Variants in TYK2 observed in about 807,000 individuals in gnomAD.
TYK2 encodes non-receptor tyrosine-protein kinase TYK2.
Under a neutral mutation model 130.9 loss-of-function variants are expected in TYK2, and 65 were observed. That is an observed-to-expected ratio of 0.50 (90% CI 0.41 to 0.61). The LOEUF (loss-of-function observed/expected upper bound fraction) is 0.61. Among genes scored for constraint, TYK2 ranks in the 20% least tolerant of loss-of-function variants. The pLI is 0.00. For missense variants in TYK2, 1,378 were observed against 1,610.7 expected (o/e 0.86, Z 2.47); for synonymous variants, 647 against 658.9 (o/e 0.98, Z 0.28).
intron 3 of TYK2, among the ~76,000 whole-genome samples, chr19:10,377,391 G>GAT (rs1335511855): frequency 1.7e-5 from 2 of 117,696 alleles, no homozygotes; most frequent in African/African-American, 7.4e-5. Flanking sequence ...TGAATAGGTG[G>GAT]GTGGGTGGGT....
chr19:10,361,729 C>A lies in TYK2; in HGVS notation c.1959+41G>T. 1 of 1,606,170 alleles carries A rather than the reference C, an allele frequency of 6.2e-7. No homozygotes were observed. The highest frequency in any genetic ancestry group is 1.3e-5 in the African/African-American group (1 of 74,800). ...CCCATCCCACCTCCTCCGGCCACCTCCTCCACAGACACACCCCCAGGCCTG... is the reference window on the plus strand; with the variant it reads ...CCCATCCCACCTCCTCCGGCCACCTACTCCACAGACACACCCCCAGGCCTG... On this transcript the variant is annotated intron_variant, in intron 13 of 24. Coordinates refer to ENST00000525621, the MANE Select transcript of TYK2 (RefSeq NM_003331.5). The surrounding 1 kb of genome is among the most constrained non-coding windows in gnomAD (Gnocchi z 4.0).
chr19:10,359,449 A>C, intron 14 of TYK2, 147 bp from the exon 15 acceptor site: 2 of 993,706 alleles, frequency 2.0e-6, no homozygotes, highest in Non-Finnish European at 3.1e-6. Context: ...CTGGGTTGAA[A>C]GTGAGTTTGG....
In TYK2 at chr19:10,368,037, C is replaced by T; in HGVS notation, c.465+18G>A. 1 of 1,613,936 alleles carries T rather than the reference C, an allele frequency of 6.2e-7. No individual in the cohort carries two copies. The highest frequency in any genetic ancestry group is 1.1e-5 in the South Asian group (1 of 91,066). On this transcript the variant is annotated intron_variant, in intron 5 of 24. Transcript: ENST00000525621. ...AAGTCTCCCACAAATAGTCTTGCCA[C>T]CCCAGCCCTGCTCATACCTGCTCAA...
chr19:10,363,187 CTTTTTTTTT>C (rs942594471), intron 9 of TYK2, among the ~76,000 whole-genome samples: 1 of 127,704 alleles, frequency 7.8e-6, no homozygotes, highest in African/African-American at 3.0e-5. Context: ...CCTGATCTCT[CTTTTTTTTT>C]TTTTTTTTTT....
At chr19:10,375,675 G>C (rs1016715483) in intron 3 of TYK2, among the ~76,000 whole-genome samples, 1 of 151,556 alleles carries the variant, frequency 6.6e-6, no homozygotes, top group African/African-American at 2.4e-5. Flanking sequence ...CCAGCACTTT[G>C]GAGGGCCGAG....
At position 10,351,091 on chromosome 19, in the gene TYK2, T is replaced by A; in HGVS notation, c.3390A>T (p.Arg1130=). ...TGTCGGGCCGTGGCAGCCTCTCCCC[T>A]CGTTCCAGCAACTCAGTGAGTCTCA... ...TVLRLTELLE[R]GERLPRPDKC... The change falls in exon 24 of 25, where the codon CGA becomes CGT. Residue 1130 remains arginine, a synonymous_variant. Transcript: ENST00000525621. 6.2e-7 allele frequency: 1 copy of A among 1,614,150 alleles called. No homozygotes were observed. The highest frequency in any genetic ancestry group is 8.5e-7 in the Non-Finnish European group (1 of 1,180,024).
intron 3 of TYK2, among the ~76,000 whole-genome samples, chr19:10,371,549 A>G (rs1257467037): frequency 1.3e-5 from 2 of 152,096 alleles, no homozygotes; most frequent in East Asian, 2.0e-4. Context: ...CTGAGGCAGG[A>G]GAATTGAACC....
At chr19:10,355,654 AGAAAG>A in intron 18 of TYK2, among the ~76,000 whole-genome samples, 1 of 139,904 alleles carries the variant, frequency 7.1e-6, no homozygotes, top group African/African-American at 2.9e-5. Context: ...AAAAAAAAAA[AGAAAG>A]AAAGAAAAAA....
chr19:10,372,065 A>G (rs1241280307), intron 3 of TYK2, among the ~76,000 whole-genome samples: 1 of 151,484 alleles, frequency 6.6e-6, no homozygotes, highest in African/African-American at 2.4e-5. Flanking sequence ...ATCTCCGCTC[A>G]CTGCAAGCTC....
At chr19:10,359,877 G>A (rs1003330843) in intron 14 of TYK2, among the ~76,000 whole-genome samples, 7 of 152,088 alleles carry the variant, frequency 4.6e-5, no homozygotes, top group Non-Finnish European at 7.4e-5. Flanking sequence ...AAATTAGCCA[G>A]GCATGGTGGT....
chr19:10,358,495 C>G (rs1204691943), intron 15 of TYK2, among the ~76,000 whole-genome samples: 1 of 151,520 alleles, frequency 6.6e-6, no homozygotes, highest in Non-Finnish European at 1.5e-5. Flanking sequence ...ATGCTGCTGC[C>G]CAGGCTGGGG....
chr19:10,359,550 A>G (rs1242175453), intron 14 of TYK2, among the ~76,000 whole-genome samples: 1 of 152,128 alleles, frequency 6.6e-6, no homozygotes, highest in Non-Finnish European at 1.5e-5. Flanking sequence ...GTTGAAGTTC[A>G]AGAGAGAAAG....
chr19:10,362,114 G>T lies in TYK2; in HGVS notation c.1737C>A (p.Leu579=). The T allele has an allele frequency of 6.2e-7, 1 of 1,614,118 alleles. No homozygotes were observed. Among genetic ancestry groups the T allele is most frequent in the Non-Finnish European group, 8.5e-7 (1 of 1,180,028 alleles). The change falls in exon 12 of 25, where the codon CTC becomes CTA. Residue 579 remains leucine (L), a synonymous_variant. Coordinates refer to ENST00000525621, the MANE Select transcript of TYK2 (RefSeq NM_003331.5). ...ASPRTLNLSQ[L]SFHRVDQKEI... is the part of the protein sequence containing the mutation. ...CCTTCTGGTCAACCCGGTGGAAGCT[G>T]AGCTGGCTGAGGTTGAGTGTCCTGG...
Position 10,362,605 on chromosome 19 carries a change from G to A in TYK2, c.1420C>T (p.His474Tyr), listed in dbSNP as rs2041465825. ...LRPEDGLYLI[H>Y]WSTSHPYRLI... Reference sequence around the variant, plus strand: ...CGGTAGGGGTGGCTGGTGCTCCAGTGAATGAGGTACAGGCCGTCCTCGGGC... The same window carrying A: ...CGGTAGGGGTGGCTGGTGCTCCAGTAAATGAGGTACAGGCCGTCCTCGGGC... Residue 474 changes from histidine to tyrosine, a missense_variant, in exon 10 of 25, where the codon CAC (histidine) becomes TAC (tyrosine). Coordinates refer to ENST00000525621, the MANE Select transcript of TYK2 (RefSeq NM_003331.5). 6.4e-7 allele frequency: 1 copy of A among 1,553,390 alleles called. No individual in the cohort carries two copies. Among genetic ancestry groups the A allele is most frequent in the African/African-American group, 1.4e-5 (1 of 73,288 alleles).
chr19:10,365,391 G>A (rs1302381116), intron 7 of TYK2, 126 bp downstream of exon 7: 4 of 1,433,580 alleles, frequency 2.8e-6, no homozygotes, highest in African/African-American at 1.4e-5. Context: ...TAGCGGACAG[G>A]TGCCCCAGAG....
intron 2 of TYK2, 80 bp from the exon 3 acceptor site, chr19:10,378,506 G>C (rs1031936147): frequency 1.7e-6 from 2 of 1,164,996 alleles, no homozygotes; most frequent in African/African-American, 1.5e-5. Flanking sequence ...ACCCACCCCA[G>C]CTAAGGCCTG....
Position 10,353,746 on chromosome 19 carries a change from G to A in TYK2, c.2909-100C>T. The A allele has an allele frequency of 1.1e-6, 1 of 899,864 alleles. No individual in the cohort carries two copies. The highest frequency in any genetic ancestry group is 1.6e-6 in the Non-Finnish European group (1 of 607,512). The allele number at this position is 899,864 out of a possible 1,614,324, so 55.7% of individuals were successfully genotyped here. On this transcript the variant is annotated intron_variant, in intron 20 of 24. Transcript: ENST00000525621. This position sits in a 1 kb window ranked among gnomAD's most constrained non-coding sequence, Gnocchi z 6.9. ...GAGCCCCTCCAAGGTCGGGAGGGAA[G>A]GCCAAGACCCGCGCACACTAGACCC...
chr19:10,355,557 T>C (rs1385516329), intron 18 of TYK2, among the ~76,000 whole-genome samples: 1 of 145,020 alleles, frequency 6.9e-6, no homozygotes, highest in East Asian at 2.0e-4. Flanking sequence ...GGAGAATTGC[T>C]CGAACCCAGG....
chr19:10,355,126 T>C (rs2041025487), intron 18 of TYK2, among the ~76,000 whole-genome samples: 1 of 149,384 alleles, frequency 6.7e-6, no homozygotes, highest in Non-Finnish European at 1.5e-5. Context: ...AGATATTTCA[T>C]AGAGAAAAGA....
Sources: gnomAD v4.1 joint callset for allele counts (sites outside exome capture counted in the v4.1 genomes callset) on GRCh38, gnomAD v4.1.1 for gene constraint, Gnocchi (gnomAD v3.1) non-coding constraint, MANE v1.5 for transcripts, NCBI Gene and HGNC (gene_info 2026-07-23, HGNC 2026-07-21) for gene names.